The following CCDC171 variants were observed in gnomAD, a reference collection of about 807,000 sequenced individuals.
CCDC171 encodes coiled-coil domain-containing protein 171.
A neutral mutation model predicts 168.2 loss-of-function variants in CCDC171; 177 were observed. The observed-to-expected ratio is 1.05, with a 90% CI of 0.93 to 1.19. The LOEUF is 1.19. Ranked by LOEUF, CCDC171 falls within the 50% of genes most tolerant of loss-of-function variation. The pLI is 0.00. For synonymous variants in CCDC171, 687 were observed against 540.8 expected (o/e 1.27, Z -3.75); for missense variants, 1,991 against 1,539.0 (o/e 1.29, Z -4.91).
At chr9:16,060,223 C>A (rs1318139988) in intron 1 of CCDC171, among the ~76,000 whole-genome samples, 1 of 152,128 alleles carries the variant, frequency 6.6e-6, no homozygotes, top group Non-Finnish European at 1.5e-5. Context: ...ACTGTTTTGA[C>A]AAATGATTTG....
intron 3 of CCDC171, among the ~76,000 whole-genome samples, chr9:15,998,441 G>C (rs527665991): frequency 4.6e-5 from 7 of 152,178 alleles, no homozygotes; most frequent in African/African-American, 1.2e-4. Context: ...CTGTGGATCA[G>C]GCATTTCATA....
chr9:15,637,597 C>A lies in CCDC171; in HGVS notation c.822+14184C>A, dbSNP rs192089692. On this transcript the variant is annotated intron_variant, in intron 7 of 25. Transcript: ENST00000380701. ...ACTCGTCATTTAGCATTAGGTGTATCTCCTCATGCTATCCCTCCCCCCTCC... is the reference window on the plus strand; with the variant it reads ...ACTCGTCATTTAGCATTAGGTGTATATCCTCATGCTATCCCTCCCCCCTCC... 6.2e-4 allele frequency among the ~76,000 whole-genome samples: 92 copies of A among 149,562 alleles called. No homozygotes were observed. The East Asian group carries it at 0.016, about 26-fold the overall frequency.
chr9:15,982,392 C>T (rs554187197), intron 3 of CCDC171, among the ~76,000 whole-genome samples: 2 of 152,114 alleles, frequency 1.3e-5, no homozygotes, highest in Non-Finnish European at 2.9e-5. Context: ...ATGATACCTT[C>T]TCTACTGAGC....
intron 24 of CCDC171, among the ~76,000 whole-genome samples, chr9:15,908,651 TA>T (rs1242207894): frequency 2.7e-5 from 4 of 150,800 alleles, no homozygotes; most frequent in African/African-American, 4.9e-5. Context: ...AGTTAAAGTA[TA>T]AAAAAAAAGA....
intron 21 of CCDC171, among the ~76,000 whole-genome samples, chr9:15,808,972 T>C (rs544937673): frequency 6.6e-6 from 1 of 152,102 alleles, no homozygotes; most frequent in Non-Finnish European, 1.5e-5. Flanking sequence ...TGTCTTCACA[T>C]GGTGGAAAGC....
At chr9:15,692,407 A>ATTTACT (rs140014625) in intron 10 of CCDC171, among the ~76,000 whole-genome samples, 11,441 of 151,630 alleles carry the variant, frequency 0.075, 641 homozygotes, top group South Asian at 0.24. Flanking sequence ...TTGTTGGCTT[A>ATTTACT]TTTACTTTTT....
intron 25 of CCDC171, among the ~76,000 whole-genome samples, chr9:15,948,513 C>T (rs2132418057): frequency 6.6e-6 from 1 of 151,162 alleles, no homozygotes; most frequent in African/African-American, 2.4e-5. Context: ...TTAATGATTG[C>T]CATTCTAACT....
intron 21 of CCDC171, among the ~76,000 whole-genome samples, chr9:15,820,770 G>A (rs1272770242): frequency 8.5e-6 from 1 of 117,236 alleles, no homozygotes; most frequent in Admixed American, 8.0e-5. Flanking sequence ...AGGAGGAGCT[G>A]GTACCATTCC....
At chr9:15,822,614 G>A (rs1237230402) in intron 21 of CCDC171, among the ~76,000 whole-genome samples, 1 of 152,182 alleles carries the variant, frequency 6.6e-6, no homozygotes, top group Non-Finnish European at 1.5e-5. Context: ...TCAGAGAAAT[G>A]CAAATCAAAA....
intron 8 of CCDC171, among the ~76,000 whole-genome samples, chr9:16,037,625 A>G (rs1275985889): frequency 6.6e-6 from 1 of 152,226 alleles, no homozygotes; most frequent in African/African-American, 2.4e-5. Flanking sequence ...AATTATGACA[A>G]TATATAAGGT....
At chr9:15,990,213 G>T (rs1832141184) in intron 3 of CCDC171, among the ~76,000 whole-genome samples, 1 of 152,160 alleles carries the variant, frequency 6.6e-6, no homozygotes, top group Admixed American at 6.5e-5. Context: ...AAGCCCATCA[G>T]ACTGACAGCA....
intron 6 of CCDC171, among the ~76,000 whole-genome samples, chr9:15,608,351 C>T (rs1327069785): frequency 2.6e-5 from 4 of 152,202 alleles, no homozygotes; most frequent in East Asian, 3.9e-4. Flanking sequence ...ATTCCATGAA[C>T]ATCACATCTT....
intron 21 of CCDC171, among the ~76,000 whole-genome samples, chr9:15,792,677 T>G (rs1364248800): frequency 6.6e-6 from 1 of 152,120 alleles, no homozygotes; most frequent in East Asian, 1.9e-4. Context: ...TTCAACATTC[T>G]TAAAGAAAAT....
At chr9:15,962,720 G>A (rs1388553811) in intron 25 of CCDC171, among the ~76,000 whole-genome samples, 4 of 151,716 alleles carry the variant, frequency 2.6e-5, no homozygotes, top group Admixed American at 6.6e-5. Context: ...AAAAAATCAT[G>A]GAAAGAAAAA....
At chr9:15,826,418 C>G (rs2060013676) in intron 21 of CCDC171, among the ~76,000 whole-genome samples, 1 of 152,076 alleles carries the variant, frequency 6.6e-6, no homozygotes, top group Non-Finnish European at 1.5e-5. Flanking sequence ...TAGAACCTTG[C>G]TACTCCCATA....
intron 3 of CCDC171, among the ~76,000 whole-genome samples, chr9:16,013,255 C>G (rs1217633243): frequency 1.3e-5 from 2 of 152,186 alleles, no homozygotes; most frequent in African/African-American, 4.8e-5. Context: ...CTCTTTCTTT[C>G]CATCACAGCC....
chr9:15,577,775 C>G (rs1418851729), intron 3 of CCDC171, among the ~76,000 whole-genome samples: 2 of 152,202 alleles, frequency 1.3e-5, no homozygotes, highest in South Asian at 4.1e-4. Flanking sequence ...AGAGCTAGAA[C>G]TGGACAAAGC....
At chr9:15,638,040 A>G (rs972439359) in intron 7 of CCDC171, among the ~76,000 whole-genome samples, 9 of 152,160 alleles carry the variant, frequency 5.9e-5, no homozygotes, top group East Asian at 1.9e-4. Flanking sequence ...CTGAGGAATC[A>G]CCACACTGAC....
chr9:16,045,034 T>C (rs1833637595), intron 1 of CCDC171, among the ~76,000 whole-genome samples: 1 of 152,204 alleles, frequency 6.6e-6, no homozygotes, highest in African/African-American at 2.4e-5. Context: ...CATTGGGACT[T>C]GTACCTTTGC....
Sources: gnomAD v4.1 joint callset for allele counts (sites outside exome capture counted in the v4.1 genomes callset) on GRCh38, gnomAD v4.1.1 for gene constraint, MANE v1.5 for transcripts, NCBI Gene and HGNC (gene_info 2026-07-23, HGNC 2026-07-21) for gene names.